Variants in CHD3 observed in about 807,000 individuals in gnomAD.
CHD3 encodes chromodomain helicase DNA binding protein 3, also known as ATP-dependent chromatin remodeler CHD3.
In CHD3, 52 loss-of-function variants were observed where a neutral mutation model predicts 248.9. The observed-to-expected ratio is 0.21, with a 90% CI of 0.17 to 0.26. The LOEUF is 0.26. Among genes scored for constraint, CHD3 ranks in the 10% least tolerant of loss-of-function variants. The pLI is 1.00. For missense variants in CHD3, 1,482 were observed against 2,605.8 expected, an observed-to-expected ratio of 0.57 and a Z score of 9.39; for synonymous variants, 985 against 985.2, an observed-to-expected ratio of 1.00 and a Z score of 0.00.
rs374057098 is a variant in CHD3 at position 7,908,351 on chromosome 17, G to C, written c.5153-51G>C. On this transcript the variant is annotated intron_variant, in intron 34 of 39. Transcript: ENST00000330494. This position sits in a 1 kb window ranked among gnomAD's most constrained non-coding sequence, Gnocchi z 5.8. ...CATCTCTACCTGTCTGTTGGACTGA[G>C]TGCAGTCTGCAAAACCCTGTTACCT... 80 of 1,408,556 alleles carry C rather than the reference G, an allele frequency of 5.7e-5. No individual in the cohort carries two copies. Among genetic ancestry groups the C allele is most frequent in the Middle Eastern group, 3.8e-4 (2 of 5,282 alleles). 87.3% of individuals were successfully genotyped at this position (1,408,556 alleles called of 1,614,324 possible).
chr17:7,893,389 T>G lies in CHD3; in HGVS notation c.613T>G (p.Ser205Ala), dbSNP rs764466556. Residue 205 changes from serine (S) to alanine (A), a missense_variant, in exon 5 of 40, where the codon TCA (serine) becomes GCA (alanine). This residue lies in a region of CHD3 where 149 missense variants were observed against 182.6 expected (regional missense o/e 0.82). Coordinates refer to ENST00000330494, the MANE Select transcript of CHD3 (RefSeq NM_001005273.3). ...CAGTGCCAACAACCCCTTCAAGGGGTCAGCAGCTGCTGTGGCGGCGGCAGC... is the reference window on the plus strand; with the variant it reads ...CAGTGCCAACAACCCCTTCAAGGGGGCAGCAGCTGCTGTGGCGGCGGCAGC... Reference protein sequence around the residue: ...EFSANNPFKGSAAAVAAAAAA... With the variant: ...EFSANNPFKGAAAAVAAAAAA... 1 of 1,613,474 alleles carries G rather than the reference T, an allele frequency of 6.2e-7. No individual in the cohort carries two copies. Among genetic ancestry groups the G allele is most frequent in the Non-Finnish European group, 8.5e-7 (1 of 1,179,832 alleles).
chr17:7,888,745 C>T (rs1968382320), upstream of CHD3: 1 of 1,245,888 alleles, frequency 8.0e-7, no homozygotes, highest in Non-Finnish European at 1.0e-6. Context: ...CGTGCGCGCG[C>T]GTGCTTTTGA....
rs944325429 is a variant in CHD3 at position 7,910,279 on chromosome 17, C to T, written c.5591-149C>T. 6.2e-6 allele frequency: 6 copies of T among 969,742 alleles called. No homozygotes were observed. The Admixed American group carries it at 7.9e-5, about 13-fold the overall frequency. The allele number at this position is 969,742 out of a possible 1,614,324, so 60.1% of individuals were successfully genotyped here. On this transcript the variant is annotated intron_variant, in intron 37 of 39. Transcript: ENST00000330494. This position sits in a 1 kb window ranked among gnomAD's most constrained non-coding sequence, Gnocchi z 4.7. ...GTTTTCCATCTACTTCTTTTACTTTCTTGATCTCTGGTTCTTTGACATCTG... is the reference window on the plus strand; with the variant it reads ...GTTTTCCATCTACTTCTTTTACTTTTTTGATCTCTGGTTCTTTGACATCTG...
rs944083781 is a variant in CHD3 at position 7,908,972 on chromosome 17, T to G, written c.5394+143T>G. The G allele has an allele frequency of 5.6e-6, 8 of 1,416,360 alleles. No homozygotes were observed. Among genetic ancestry groups the G allele is most frequent in the Middle Eastern group, 2.4e-4 (1 of 4,146 alleles). 87.7% of individuals were successfully genotyped at this position (1,416,360 alleles called of 1,614,324 possible). On this transcript the variant is annotated intron_variant, in intron 36 of 39. Transcript: ENST00000330494. The surrounding 1 kb of genome is among the most constrained non-coding windows in gnomAD (Gnocchi z 5.8). ...CAAGACCAAAGTGTAACCTTGTGCTTGGGAGTGTGATCTGGGTCAGGGTTG... is the reference window on the plus strand; with the variant it reads ...CAAGACCAAAGTGTAACCTTGTGCTGGGGAGTGTGATCTGGGTCAGGGTTG...
Position 7,895,546 on chromosome 17 carries a change from C to G in CHD3, c.1707+4C>G. 1 of 1,613,244 alleles carries G rather than the reference C, an allele frequency of 6.2e-7. No individual in the cohort carries two copies. Among genetic ancestry groups the G allele is most frequent in the Non-Finnish European group, 8.5e-7 (1 of 1,179,314 alleles). ...CTCCTGGGCCAAGGAGCTTCAGGTA[C>G]TAGGACCTTTTCTTTCCCTCTCCCC... is the stretch of plus-strand genomic sequence containing the variant. On this transcript the variant is annotated splice_donor_region_variant and intron_variant, in intron 10 of 39. Transcript: ENST00000330494. This position sits in a 1 kb window ranked among gnomAD's most constrained non-coding sequence, Gnocchi z 4.9.
chr17:7,885,109 C>CA (rs1006950107), upstream of CHD3: 92 of 982,808 alleles, frequency 9.4e-5, no homozygotes, highest in Admixed American at 7.6e-4. Flanking sequence ...GACTCCCCCC[C>CA]CAAGCCCGAG....
At position 7,904,402 on chromosome 17, in the gene CHD3, A is replaced by G. The variant is rs1970673530; in HGVS notation, c.3895-40A>G. The stretch of plus-strand genomic sequence containing the variant: ...CCTTGCAGTGGAAGGATTAGCAAAG[A>G]AGGAGACCCCCAGTGTTCATTCATT... On this transcript the variant is annotated intron_variant, in intron 24 of 39. Coordinates refer to ENST00000330494, the MANE Select transcript of CHD3 (RefSeq NM_001005273.3). This position sits in a 1 kb window ranked among gnomAD's most constrained non-coding sequence, Gnocchi z 4.4. 1 of 1,581,872 alleles carries G rather than the reference A, an allele frequency of 6.3e-7. No homozygotes were observed. The highest frequency in any genetic ancestry group is 1.1e-5 in the South Asian group (1 of 88,832).
chr17:7,892,993 G>A (rs1969105113), intron 4 of CHD3, among the ~76,000 whole-genome samples: 1 of 151,696 alleles, frequency 6.6e-6, no homozygotes. Context: ...TGTTGCCCAG[G>A]CTTATCTCAT....
At position 7,912,650 on chromosome 17, in the gene CHD3, TTGC is replaced by T. The variant is rs1218366544; in HGVS notation, c.*1069_*1071del. ...TCCTCTTTGCTGCCCCTTCACTTTC[TTGC>T]TGCCCCTTTCCCAGTCTCTCTTCAC... On this transcript the variant is annotated 3_prime_UTR_variant, in exon 40 of 40. Coordinates refer to ENST00000330494, the MANE Select transcript of CHD3 (RefSeq NM_001005273.3). The T allele has an allele frequency of 6.6e-6, 1 of 152,164 alleles. No individual in the cohort carries two copies. Among genetic ancestry groups the T allele is most frequent in the Non-Finnish European group, 1.5e-5 (1 of 68,088 alleles). 9.4% of individuals were successfully genotyped at this position (152,164 alleles called of 1,614,324 possible).
chr17:7,892,940 A>T (rs1969095345), intron 4 of CHD3, among the ~76,000 whole-genome samples: 3 of 150,532 alleles, frequency 2.0e-5, no homozygotes, highest in South Asian at 4.2e-4. Context: ...CCAGCTAATT[A>T]TTTTTTTTTA....
chr17:7,911,320 G>A lies in CHD3; in HGVS notation c.5882-144G>A. 8.0e-7 allele frequency: 1 copy of A among 1,245,712 alleles called. No individual in the cohort carries two copies. Among genetic ancestry groups the A allele is most frequent in the East Asian group, 2.3e-5 (1 of 43,022 alleles). The allele number at this position is 1,245,712 out of a possible 1,614,324, so 77.2% of individuals were successfully genotyped here. A position where few individuals can be genotyped will look rare whatever the true frequency, so the allele number is the denominator to read the frequency against. On this transcript the variant is annotated intron_variant, in intron 39 of 39. Transcript: ENST00000330494. This position sits in a 1 kb window ranked among gnomAD's most constrained non-coding sequence, Gnocchi z 5.4. Reference sequence around the variant, plus strand: ...AGCACAAAGTGGAATCTCAGGGAAAGGGGTTTGCCCGGGTCTTCCCTCCCT... The same window carrying A: ...AGCACAAAGTGGAATCTCAGGGAAAAGGGTTTGCCCGGGTCTTCCCTCCCT...
chr17:7,903,711 CG>C lies in CHD3; in HGVS notation c.3728-110del. 1 of 1,236,556 alleles carries C rather than the reference CG, an allele frequency of 8.1e-7. No homozygotes were observed. Among genetic ancestry groups the C allele is most frequent in the Non-Finnish European group, 1.1e-6 (1 of 893,324 alleles). The allele number at this position is 1,236,556 out of a possible 1,614,324, so 76.6% of individuals were successfully genotyped here. ...ACAAAAACCTTTCAACATTGGCTCC[CG>C]GGGAAAAAGCCTTCTCTAGGGCTCC... On this transcript the variant is annotated intron_variant, in intron 23 of 39. Transcript: ENST00000330494. The surrounding 1 kb of genome is among the most constrained non-coding windows in gnomAD (Gnocchi z 6.8).
In CHD3 at chr17:7,909,145, C is replaced by T. The variant is rs762010724; in HGVS notation, c.5397C>T (p.Leu1799=). 4 of 1,555,392 alleles carry T rather than the reference C, an allele frequency of 2.6e-6. No individual in the cohort carries two copies. The highest frequency in any genetic ancestry group is 1.4e-5 in the African/African-American group (1 of 73,334). The part of the protein sequence containing the change: ...KNKFLARRFK[L]LEQALVIEEQ... ...ACCTCCCAACTCTGTGCCCTCAGCTCCTGGAGCAGGCGCTGGTGATTGAGG... is the reference window on the plus strand; with the variant it reads ...ACCTCCCAACTCTGTGCCCTCAGCTTCTGGAGCAGGCGCTGGTGATTGAGG... Residue 1799 remains leucine (L), a splice_region_variant and synonymous_variant, in exon 37 of 40, where the codon CTC becomes CTT. Coordinates refer to ENST00000330494, the MANE Select transcript of CHD3 (RefSeq NM_001005273.3). The surrounding 1 kb of genome is among the most constrained non-coding windows in gnomAD (Gnocchi z 8.1).
Position 7,906,176 on chromosome 17 carries a change from C to T in CHD3, c.4358+187C>T, listed in dbSNP as rs1424657019. 1 of 953,614 alleles carries T rather than the reference C, an allele frequency of 1.0e-6. No homozygotes were observed. Among genetic ancestry groups the T allele is most frequent in the South Asian group, 1.3e-5 (1 of 77,246 alleles). 59.1% of individuals were successfully genotyped at this position (953,614 alleles called of 1,614,324 possible). On this transcript the variant is annotated intron_variant, in intron 28 of 39. Transcript: ENST00000330494. The surrounding 1 kb of genome is among the most constrained non-coding windows in gnomAD (Gnocchi z 5.0). Reference sequence around the variant, plus strand: ...CCCACTCCACCTCCCCTCAGCCGAGCCTAGAGTAGAGGGGCCAGGCATCCT... The same window carrying T: ...CCCACTCCACCTCCCCTCAGCCGAGTCTAGAGTAGAGGGGCCAGGCATCCT...
chr17:7,896,555 G>A (rs1390350769), intron 10 of CHD3, among the ~76,000 whole-genome samples: 7 of 151,728 alleles, frequency 4.6e-5, no homozygotes, highest in South Asian at 2.1e-4. Context: ...ACAGGCATGC[G>A]CCACCACGCT....
In CHD3 at chr17:7,904,577, C is replaced by T; in HGVS notation, c.4030C>T (p.Arg1344Cys). Residue 1344 changes from arginine to cysteine, a missense_variant, in exon 25 of 40, where the codon CGC becomes TGC. Physicochemically the swap from Arg to Cys is radical, Grantham distance 180. Coordinates refer to ENST00000330494, the MANE Select transcript of CHD3 (RefSeq NM_001005273.3). The surrounding 1 kb of genome is among the most constrained non-coding windows in gnomAD (Gnocchi z 4.4). The part of the protein sequence containing the change: ...ARNLGKGKRV[R>C]KQVNYNDAAQ... Reference sequence around the variant, plus strand: ...GAATCTAGGCAAGGGCAAGCGGGTTCGCAAGCAAGTTAACTACAATGATGC... The same window carrying T: ...GAATCTAGGCAAGGGCAAGCGGGTTTGCAAGCAAGTTAACTACAATGATGC... 1 of 1,614,008 alleles carries T rather than the reference C, an allele frequency of 6.2e-7. No homozygotes were observed. Among genetic ancestry groups the T allele is most frequent in the Non-Finnish European group, 8.5e-7 (1 of 1,180,004 alleles).
chr17:7,906,433 G>T lies in CHD3; in HGVS notation c.4359-120G>T. The T allele has an allele frequency of 9.9e-7, 1 of 1,013,130 alleles. No individual in the cohort carries two copies. The highest frequency in any genetic ancestry group is 2.0e-5 in the Admixed American group (1 of 50,188). 62.8% of individuals were successfully genotyped at this position (1,013,130 alleles called of 1,614,324 possible). A position where few individuals can be genotyped will look rare whatever the true frequency, so the allele number is the denominator to read the frequency against. ...TGAGAGTGAGAGGCCCAGGGGAGGA[G>T]CCCTGGAGCACCTGGGGATTTGGGG... On this transcript the variant is annotated intron_variant, in intron 28 of 39. Coordinates refer to ENST00000330494, the MANE Select transcript of CHD3 (RefSeq NM_001005273.3). This position sits in a 1 kb window ranked among gnomAD's most constrained non-coding sequence, Gnocchi z 5.0.
Position 7,895,354 on chromosome 17 carries a change from G to A in CHD3, c.1519G>A (p.Gly507Ser). 1 of 1,614,110 alleles carries A rather than the reference G, an allele frequency of 6.2e-7. No individual in the cohort carries two copies. Among genetic ancestry groups the A allele is most frequent in the South Asian group, 1.1e-5 (1 of 91,078 alleles). The change falls in exon 10 of 40, where the codon GGT (glycine) becomes AGT (serine). Residue 507 changes from glycine (G) to serine (S), a missense_variant. Physicochemically the swap from Gly to Ser is moderately conservative, Grantham distance 56. Transcript: ENST00000330494. The surrounding 1 kb of genome is among the most constrained non-coding windows in gnomAD (Gnocchi z 4.9). Reference sequence around the variant, plus strand: ...CATCCCAAAGTGCCCCGTGCTGAAGGGTCGAGTGCAGAAGATCCTACATTG... The same window carrying A: ...CATCCCAAAGTGCCCCGTGCTGAAGAGTCGAGTGCAGAAGATCCTACATTG... ...CPRCTCPVLK[G>S]RVQKILHWRW...
At position 7,907,564 on chromosome 17, in the gene CHD3, A is replaced by T; in HGVS notation, c.4925-37A>T. 2 of 1,522,116 alleles carry T rather than the reference A, an allele frequency of 1.3e-6. No individual in the cohort carries two copies. Among genetic ancestry groups the T allele is most frequent in the Non-Finnish European group, 1.8e-6 (2 of 1,135,962 alleles). 94.3% of individuals were successfully genotyped at this position (1,522,116 alleles called of 1,614,324 possible). A position where few individuals can be genotyped will look rare whatever the true frequency, so the allele number is the denominator to read the frequency against. ...TCTTCTGGGGTCAGGGGATGAGGGTAACATCCTCCCTTCCTATCCCCTACC... is the reference window on the plus strand; with the variant it reads ...TCTTCTGGGGTCAGGGGATGAGGGTTACATCCTCCCTTCCTATCCCCTACC... On this transcript the variant is annotated intron_variant, in intron 32 of 39. Transcript: ENST00000330494. The surrounding 1 kb of genome is among the most constrained non-coding windows in gnomAD (Gnocchi z 4.3).
Sources: gnomAD v4.1 joint callset for allele counts (sites outside exome capture counted in the v4.1 genomes callset) on GRCh38, gnomAD v4.1.1 for gene constraint, gnomAD v4.1.1 regional missense constraint, Gnocchi (gnomAD v3.1) non-coding constraint, MANE v1.5 for transcripts, NCBI Gene and HGNC (gene_info 2026-07-23, HGNC 2026-07-21) for gene names.